ITPK1: variants seen among roughly 807,000 people sequenced by gnomAD.
ITPK1 encodes inositol 1,3,4-trisphosphate 5/6-kinase.
A neutral mutation model predicts 45.3 loss-of-function variants in ITPK1; 21 were observed. The observed-to-expected ratio is 0.46, with a 90% CI of 0.33 to 0.67. The LOEUF (loss-of-function observed/expected upper bound fraction) is 0.67. Among genes scored for constraint, ITPK1 ranks in the 30% least tolerant of loss-of-function variants. ITPK1 has a pLI of 0.02. For synonymous variants in ITPK1, 258 were observed against 253.6 expected, an observed-to-expected ratio of 1.02 and a Z score of -0.16; for missense variants, 474 against 573.5, an observed-to-expected ratio of 0.83 and a Z score of 1.77.
chr14:92,987,215 G>A (rs1433570110), intron 5 of ITPK1, among the ~76,000 whole-genome samples: 2 of 152,236 alleles, frequency 1.3e-5, no homozygotes, highest in South Asian at 2.1e-4. Context: ...GACCCCTGCT[G>A]CAGCTAGGCC....
At chr14:93,115,004 T>C (rs1485061776) in intron 2 of ITPK1, 65 bp downstream of exon 2, 1 of 898,594 alleles carries the variant, frequency 1.1e-6, no homozygotes, top group Non-Finnish European at 1.6e-6. Flanking sequence ...TGCACCGGGC[T>C]CGGGCCGGGG....
intron 5 of ITPK1, among the ~76,000 whole-genome samples, chr14:92,975,780 G>T (rs1318314714): frequency 1.3e-5 from 2 of 152,148 alleles, no homozygotes; most frequent in Non-Finnish European, 2.9e-5. Context: ...AGCTCTCCTG[G>T]TCCTCAGGCC....
chr14:93,107,656 A>C (rs1381965155), intron 2 of ITPK1, among the ~76,000 whole-genome samples: 1 of 152,034 alleles, frequency 6.6e-6, no homozygotes, highest in African/African-American at 2.4e-5. Context: ...GGGGATGCGG[A>C]GCGGGGTCTG....
intron 3 of ITPK1, among the ~76,000 whole-genome samples, chr14:93,055,708 A>G (rs2139938184): frequency 6.6e-6 from 1 of 152,252 alleles, no homozygotes; most frequent in East Asian, 1.9e-4. Flanking sequence ...CCAAGGACCC[A>G]TCCTTATCCG....
intron 4 of ITPK1, among the ~76,000 whole-genome samples, chr14:93,000,148 T>C (rs1487047489): frequency 2.0e-5 from 3 of 152,252 alleles, no homozygotes; most frequent in Admixed American, 6.5e-5. Context: ...CCATTCATCA[T>C]TGGAAGGAAT....
rs202143789 is a variant in ITPK1, at chr14:92,962,878, C to T, written c.365-29G>A. 2.6e-6 allele frequency: 4 copies of T among 1,543,732 alleles called. No individual in the cohort carries two copies. The African/African-American group carries it at 4.1e-5, about 16-fold the overall frequency. Reference sequence around the variant, plus strand: ...GGGCAGAAGGGAGGCCTGGTCAGCACAGCTCCTGGGCAGCCGCCCCAGGTG... The same window carrying T: ...GGGCAGAAGGGAGGCCTGGTCAGCATAGCTCCTGGGCAGCCGCCCCAGGTG... On this transcript the variant is annotated intron_variant, in intron 5 of 10. Coordinates refer to ENST00000267615, the MANE Select transcript of ITPK1 (RefSeq NM_014216.6).
chr14:93,018,012 C>G (rs142798747), intron 3 of ITPK1, among the ~76,000 whole-genome samples: 18 of 152,324 alleles, frequency 1.2e-4, no homozygotes, highest in South Asian at 8.3e-4. Context: ...CTGCGCTTCT[C>G]ACTCCATTCC....
Position 92,941,870 on chromosome 14 carries a change from G to A in ITPK1, c.936C>T (p.Leu312=). The change falls in exon 11 of 11, where the codon CTC becomes CTT. Residue 312 remains leucine, a synonymous_variant. Transcript: ENST00000267615. ...GCAGGACAGTGGCGATGTGGTTCAG[G>A]AGGTCTGTGAAGAACTCGCTCACGC... The part of the protein sequence containing the change: ...YEGVSEFFTD[L]LNHIATVLQG... 2 of 1,612,726 alleles carry A rather than the reference G, an allele frequency of 1.2e-6. No individual in the cohort carries two copies. Among genetic ancestry groups the A allele is most frequent in the Non-Finnish European group, 1.7e-6 (2 of 1,179,966 alleles).
intron 2 of ITPK1, among the ~76,000 whole-genome samples, chr14:93,101,013 C>A (rs1892296187): frequency 6.6e-6 from 1 of 152,166 alleles, no homozygotes; most frequent in South Asian, 2.1e-4. Flanking sequence ...AGGAGAGCAT[C>A]CCAAATCCAA....
At chr14:93,035,980 C>T (rs569795343) in intron 3 of ITPK1, among the ~76,000 whole-genome samples, 2 of 152,300 alleles carry the variant, frequency 1.3e-5, no homozygotes, top group Non-Finnish European at 2.9e-5. Context: ...AGCCTGACTC[C>T]GGCACGTGAT....
In ITPK1 at chr14:92,940,859, G is replaced by A. The variant is rs1301644708; in HGVS notation, c.*702C>T. ...AGCAGCAGTGCTGGCTTAGGGGAAGGAGACCGCTGTGCAGGGCTAAATGGG... is the reference window on the plus strand; with the variant it reads ...AGCAGCAGTGCTGGCTTAGGGGAAGAAGACCGCTGTGCAGGGCTAAATGGG... On this transcript the variant is annotated 3_prime_UTR_variant, in exon 11 of 11. Coordinates refer to ENST00000267615, the MANE Select transcript of ITPK1 (RefSeq NM_014216.6). 8 of 1,288,618 alleles carry A rather than the reference G, an allele frequency of 6.2e-6. No homozygotes were observed. The East Asian group carries it at 3.3e-4, about 54-fold the overall frequency. The allele number at this position is 1,288,618 out of a possible 1,614,324, so 79.8% of individuals were successfully genotyped here.
At chr14:92,989,167 T>C (rs1251515437) in intron 5 of ITPK1, among the ~76,000 whole-genome samples, 1 of 152,204 alleles carries the variant, frequency 6.6e-6, no homozygotes, top group African/African-American at 2.4e-5. Context: ...TCCAGACTAC[T>C]CAATTTCAAC....
intron 4 of ITPK1, among the ~76,000 whole-genome samples, chr14:92,996,534 A>G (rs577822811): frequency 6.6e-6 from 1 of 152,214 alleles, no homozygotes; most frequent in Non-Finnish European, 1.5e-5. Context: ...ATACATAGGT[A>G]ACAAACCTGC....
chr14:92,973,568 G>A (rs933872360), intron 5 of ITPK1, among the ~76,000 whole-genome samples: 1 of 152,220 alleles, frequency 6.6e-6, no homozygotes, highest in African/African-American at 2.4e-5. Flanking sequence ...CAGTTAAGGG[G>A]CGGGAGTCAC....
chr14:92,979,882 A>G (rs1029955470), intron 5 of ITPK1, among the ~76,000 whole-genome samples: 1 of 150,654 alleles, frequency 6.6e-6, no homozygotes, highest in Non-Finnish European at 1.5e-5. Context: ...GTGTGATCTC[A>G]GCTCACTGCA....
At chr14:93,102,529 T>G (rs966651321) in intron 2 of ITPK1, among the ~76,000 whole-genome samples, 2 of 152,118 alleles carry the variant, frequency 1.3e-5, no homozygotes, top group Admixed American at 1.3e-4. Context: ...TCCCAACTCT[T>G]TGGGAGGCTG....
intron 7 of ITPK1, among the ~76,000 whole-genome samples, chr14:92,961,803 G>T (rs1156893377): frequency 1.3e-5 from 2 of 152,230 alleles, no homozygotes; most frequent in Non-Finnish European, 2.9e-5. Context: ...CCTTTGGGAG[G>T]TCTTGAGGGC....
At position 92,940,608 on chromosome 14, in the gene ITPK1, G is replaced by C. The variant is rs1011766812; in HGVS notation, c.*953C>G. ...TCCATGGTGTCATGCCGAGGCTCCC[G>C]CGCCTATCCTCACCTAGGTGACTTT... On this transcript the variant is annotated 3_prime_UTR_variant, in exon 11 of 11. Transcript: ENST00000267615. The C allele has an allele frequency of 5.0e-6, 6 of 1,205,338 alleles. No individual in the cohort carries two copies. Among genetic ancestry groups the C allele is most frequent in the Non-Finnish European group, 6.3e-6 (6 of 948,694 alleles). The allele number at this position is 1,205,338 out of a possible 1,614,324, so 74.7% of individuals were successfully genotyped here.
rs956861678 is a variant in ITPK1, at chr14:93,012,943, C to T, written c.246+3733G>A. ...GGGCAGCAGAAGAGGACGGTGGGCC[C>T]CTCCCTTCCCACCCTGCACCCACAC... On this transcript the variant is annotated intron_variant, in intron 4 of 10. Coordinates refer to ENST00000267615, the MANE Select transcript of ITPK1 (RefSeq NM_014216.6). The surrounding 1 kb of genome is among the most constrained non-coding windows in gnomAD (Gnocchi z 4.9). Among the ~76,000 whole-genome samples, 1 of 152,186 alleles carries T rather than the reference C, an allele frequency of 6.6e-6. No homozygotes were observed. Among genetic ancestry groups the T allele is most frequent in the African/African-American group, 2.4e-5 (1 of 41,450 alleles).
Sources: gnomAD v4.1 joint callset for allele counts (sites outside exome capture counted in the v4.1 genomes callset) on GRCh38, gnomAD v4.1.1 for gene constraint, Gnocchi (gnomAD v3.1) non-coding constraint, MANE v1.5 for transcripts, NCBI Gene and HGNC (gene_info 2026-07-23, HGNC 2026-07-21) for gene names.